Variants in IL1RL2 observed in about 807,000 individuals in gnomAD.
IL1RL2 encodes interleukin 1 receptor like 2.
A neutral mutation model predicts 66.8 loss-of-function variants in IL1RL2; 68 were observed. The ratio of observed to expected loss-of-function variants is 1.02; its 90% CI spans 0.84 to 1.25. IL1RL2 has a LOEUF of 1.25. Ranked by LOEUF, IL1RL2 falls within the 50% of genes most tolerant of loss-of-function variation. The pLI is 0.00. For synonymous variants in IL1RL2, 305 were observed against 264.6 expected (o/e 1.15, Z -1.48); for missense variants, 729 against 709.3 (o/e 1.03, Z -0.32).
At chr2:102,188,391 T>C (rs1339640038) in intron 2 of IL1RL2, among the ~76,000 whole-genome samples, 1 of 152,008 alleles carries the variant, frequency 6.6e-6, no homozygotes, top group East Asian at 1.9e-4. Flanking sequence ...TAGACCATCC[T>C]GGCTAACACG....
At chr2:102,212,066 T>C in intron 5 of IL1RL2, 34 bp from the exon 6 acceptor site, 1 of 1,512,924 alleles carries the variant, frequency 6.6e-7, no homozygotes, top group Non-Finnish European at 9.2e-7. Flanking sequence ...CATACGTGAT[T>C]CTAATGCAAT....
intron 5 of IL1RL2, 113 bp from the exon 6 acceptor site, chr2:102,211,986 TG>T: frequency 1.6e-6 from 1 of 618,232 alleles, no homozygotes; most frequent in Non-Finnish European, 2.8e-6. Flanking sequence ...AGTGAGATTT[TG>T]ACCAGAGCTT....
intron 3 of IL1RL2, among the ~76,000 whole-genome samples, chr2:102,190,279 T>A (rs540146238): frequency 7.9e-5 from 12 of 152,346 alleles, no homozygotes; most frequent in Admixed American, 3.3e-4. Context: ...GGGGCCTGAA[T>A]AAAACACATC....
chr2:102,193,615 G>A (rs1352463263), intron 4 of IL1RL2, among the ~76,000 whole-genome samples: 1 of 152,186 alleles, frequency 6.6e-6, no homozygotes, highest in African/African-American at 2.4e-5. Context: ...GCCTCCCAAA[G>A]TGGTAGGATT....
chr2:102,231,236 C>T (rs1046008023), intron 9 of IL1RL2, among the ~76,000 whole-genome samples: 1 of 152,202 alleles, frequency 6.6e-6, no homozygotes, highest in Non-Finnish European at 1.5e-5. Context: ...AGACTGTTTA[C>T]CATCCACTCT....
chr2:102,199,213 G>C (rs1211398183), intron 4 of IL1RL2, among the ~76,000 whole-genome samples: 1 of 152,158 alleles, frequency 6.6e-6, no homozygotes, highest in African/African-American at 2.4e-5. Flanking sequence ...AATCTAAATG[G>C]TCTTTAGCAT....
chr2:102,218,317 C>T (rs1226966315), intron 6 of IL1RL2, among the ~76,000 whole-genome samples: 1 of 152,012 alleles, frequency 6.6e-6, no homozygotes, highest in Non-Finnish European at 1.5e-5. Context: ...GAATAAAGAA[C>T]ACTCCTTGAA....
chr2:102,217,893 C>G (rs1689751527), intron 6 of IL1RL2, among the ~76,000 whole-genome samples: 1 of 152,048 alleles, frequency 6.6e-6, no homozygotes, highest in Non-Finnish European at 1.5e-5. Flanking sequence ...GATAAGATCT[C>G]AAAAGCACAG....
At chr2:102,239,104 G>T in intron 11 of IL1RL2, 88 bp from the exon 12 acceptor site, 1 of 1,185,962 alleles carries the variant, frequency 8.4e-7, no homozygotes, top group Non-Finnish European at 1.3e-6. Flanking sequence ...CAAGGTGGAG[G>T]TTTTCGCATT....
At chr2:102,224,738 C>T (rs1307610110) in intron 8 of IL1RL2, among the ~76,000 whole-genome samples, 1 of 151,996 alleles carries the variant, frequency 6.6e-6, no homozygotes, top group East Asian at 1.9e-4. Context: ...TGGAATATTC[C>T]CAGCACAAAG....
At chr2:102,229,623 C>T (rs949876051) in intron 9 of IL1RL2, among the ~76,000 whole-genome samples, 2 of 152,184 alleles carry the variant, frequency 1.3e-5, no homozygotes, top group Non-Finnish European at 2.9e-5. Flanking sequence ...AACCAGTGGA[C>T]TACAACTTGA....
intron 9 of IL1RL2, among the ~76,000 whole-genome samples, chr2:102,232,066 A>AGGG (rs1305386450): frequency 6.6e-6 from 1 of 150,598 alleles, no homozygotes; most frequent in African/African-American, 2.4e-5. Flanking sequence ...TCTGTCATCC[A>AGGG]GGCTGGAGTG....
chr2:102,195,318 A>G (rs1277105982), intron 4 of IL1RL2, among the ~76,000 whole-genome samples: 1 of 151,902 alleles, frequency 6.6e-6, no homozygotes, highest in Non-Finnish European at 1.5e-5. Context: ...TCTTTTTCCT[A>G]CCCCTAAGTA....
intron 8 of IL1RL2, among the ~76,000 whole-genome samples, chr2:102,223,911 T>C (rs1257919634): frequency 6.6e-6 from 1 of 152,204 alleles, no homozygotes. Context: ...TTCTCACAAG[T>C]GCCCAGGATT....
intron 5 of IL1RL2, among the ~76,000 whole-genome samples, chr2:102,208,172 G>T (rs539451120): frequency 4.6e-5 from 7 of 152,306 alleles, no homozygotes; most frequent in African/African-American, 1.2e-4. Flanking sequence ...CCTTTTCTGT[G>T]ATACAGATTT....
Position 102,219,888 on chromosome 2 carries a change from G to A in IL1RL2, c.862G>A (p.Val288Ile). The change falls in exon 8 of 12, where the codon GTC becomes ATC. Residue 288 changes from valine to isoleucine, a missense_variant. Coordinates refer to ENST00000264257, the MANE Select transcript of IL1RL2 (RefSeq NM_003854.4). ...TACTCTTTTCTTTTATAGAACCCAT[G>A]TCTCTTTTCGGGAACATAATTTGTA... is the stretch of plus-strand genomic sequence containing the variant. ...KRIREGVETH[V>I]SFREHNLYTV... 6.2e-7 allele frequency: 1 copy of A among 1,607,044 alleles called. No individual in the cohort carries two copies. The highest frequency in any genetic ancestry group is 8.5e-7 in the Non-Finnish European group (1 of 1,174,130).
intron 6 of IL1RL2, among the ~76,000 whole-genome samples, chr2:102,215,636 C>T (rs981492244): frequency 6.6e-6 from 1 of 152,068 alleles, no homozygotes; most frequent in African/African-American, 2.4e-5. Flanking sequence ...ATTGGACCTA[C>T]TGTGTGTGCA....
chr2:102,234,589 T>C (rs1368825718), intron 10 of IL1RL2, among the ~76,000 whole-genome samples: 1 of 152,024 alleles, frequency 6.6e-6, no homozygotes, highest in Non-Finnish European at 1.5e-5. Context: ...AGGTCAGGAG[T>C]TCAACACCAG....
At chr2:102,238,931 A>G (rs1675099912) in intron 11 of IL1RL2, among the ~76,000 whole-genome samples, 1 of 152,180 alleles carries the variant, frequency 6.6e-6, no homozygotes, top group Non-Finnish European at 1.5e-5. Context: ...GAAGGACCTC[A>G]GAGCCCTGGC....
Sources: gnomAD v4.1 joint callset for allele counts (sites outside exome capture counted in the v4.1 genomes callset) on GRCh38, gnomAD v4.1.1 for gene constraint, MANE v1.5 for transcripts, NCBI Gene and HGNC (gene_info 2026-07-23, HGNC 2026-07-21) for gene names.